CNN2: variants seen among roughly 807,000 people sequenced by gnomAD.
CNN2 encodes the protein calponin 2, also known as calponin-2.
A neutral mutation model predicts 31.0 loss-of-function variants in CNN2; 21 were observed. That is an observed-to-expected ratio of 0.68 (90% CI 0.48 to 0.98). CNN2 has a LOEUF of 0.98. CNN2 is among the 50% of genes least tolerant of loss of function. The probability of loss-of-function intolerance (pLI) is 0.00; values close to 1 mark genes in which losing one functional copy is unlikely to be tolerated. For synonymous variants in CNN2, 165 were observed against 179.6 expected (o/e 0.92, Z 0.65); for missense variants, 399 against 427.3 (o/e 0.93, Z 0.58).
In CNN2 at chr19:1,026,634, G is replaced by A. The variant is rs1017778273; in HGVS notation, c.-28G>A. ...GTCCCGTCCCGTCCCGTCCTGTGCG[G>A]CCCCGTCCCGCCGCCCGCCCGCCAG... On this transcript the variant is annotated 5_prime_UTR_variant, in exon 1 of 7. Coordinates refer to ENST00000263097, the MANE Select transcript of CNN2 (RefSeq NM_004368.4). 1.0e-4 allele frequency: 153 copies of A among 1,521,344 alleles called. No homozygotes were observed. The highest frequency in any genetic ancestry group is 5.3e-5 in the Non-Finnish European group (60 of 1,133,718). The allele number at this position is 1,521,344 out of a possible 1,614,324, so 94.2% of individuals were successfully genotyped here.
intron 4 of CNN2, among the ~76,000 whole-genome samples, chr19:1,033,287 G>T (rs890386237): frequency 1.3e-5 from 2 of 151,832 alleles, no homozygotes; most frequent in African/African-American, 2.4e-5. Context: ...GGAGGCCGAG[G>T]TTGGAGAATT....
In CNN2 at chr19:1,038,141, C is replaced by G. The variant is rs1021200309; in HGVS notation, c.*241C>G. ...AGGCCATATCCCAATACGTGTAGGGCGAGGGTCCCTGCTGGCACATTCAGG... is the reference window on the plus strand; with the variant it reads ...AGGCCATATCCCAATACGTGTAGGGGGAGGGTCCCTGCTGGCACATTCAGG... On this transcript the variant is annotated 3_prime_UTR_variant, in exon 7 of 7. Coordinates refer to ENST00000263097, the MANE Select transcript of CNN2 (RefSeq NM_004368.4). 4.5e-6 allele frequency: 2 copies of G among 446,598 alleles called. No individual in the cohort carries two copies. The highest frequency in any genetic ancestry group is 2.0e-5 in the African/African-American group (1 of 50,162). The allele number at this position is 446,598 out of a possible 1,614,324, so 27.7% of individuals were successfully genotyped here.
chr19:1,032,751 T>C, intron 4 of CNN2, 55 bp downstream of exon 4: 1 of 1,380,546 alleles, frequency 7.2e-7, no homozygotes, highest in Non-Finnish European at 1.0e-6. Flanking sequence ...GAGGTGGATG[T>C]AGCTGCTGCA....
intron 6 of CNN2, chr19:1,036,869 T>C (rs763016034): frequency 2.3e-6 from 1 of 425,938 alleles, no homozygotes; most frequent in Middle Eastern, 7.6e-4. Context: ...ATGTATTTAT[T>C]TTGAGATAGG....
intron 6 of CNN2, 131 bp downstream of exon 6, chr19:1,036,693 G>A (rs540807034): frequency 5.4e-5 from 60 of 1,102,454 alleles, no homozygotes; most frequent in Admixed American, 4.8e-4. Context: ...GACCACCTCC[G>A]GCTTCCCTCC....
At chr19:1,030,923 C>T (rs1216660417) in intron 1 of CNN2, 148 bp from the exon 2 acceptor site, 1 of 1,007,228 alleles carries the variant, frequency 9.9e-7, no homozygotes, top group African/African-American at 1.6e-5. Context: ...AAGGGAGCAT[C>T]TGCGTGGGTG....
At chr19:1,035,216 CCG>C (rs2039561753) in intron 4 of CNN2, among the ~76,000 whole-genome samples, 1 of 115,402 alleles carries the variant, frequency 8.7e-6, no homozygotes, top group African/African-American at 3.0e-5. Context: ...CTGGTGTAGA[CCG>C]GGAGCGTGGG....
intron 1 of CNN2, 56 bp downstream of exon 1, chr19:1,026,780 C>T (rs2039403168): frequency 6.6e-7 from 1 of 1,516,486 alleles, no homozygotes; most frequent in Non-Finnish European, 8.9e-7. Flanking sequence ...ACGCTCCGAC[C>T]GGTGCAGGAG....
chr19:1,028,473 G>C (rs1568416823), intron 1 of CNN2, among the ~76,000 whole-genome samples: 2 of 152,106 alleles, frequency 1.3e-5, no homozygotes. Flanking sequence ...CCGGCTGCTT[G>C]AAACAGCCAG....
chr19:1,033,034 C>T, intron 4 of CNN2: 2 of 267,796 alleles, frequency 7.5e-6, no homozygotes, highest in South Asian at 3.8e-5. Context: ...CCGCCTCGGC[C>T]TCCCCAAGTG....
At chr19:1,028,405 G>A (rs12973952) in intron 1 of CNN2, among the ~76,000 whole-genome samples, 1 of 145,896 alleles carries the variant, frequency 6.9e-6, no homozygotes, top group African/African-American at 2.5e-5. Context: ...GGTCACGGAA[G>A]GGTCGCCTCC....
At chr19:1,037,460 C>T in intron 6 of CNN2, 165 bp from the exon 7 acceptor site, 1 of 826,880 alleles carries the variant, frequency 1.2e-6, no homozygotes, top group Non-Finnish European at 1.9e-6. Flanking sequence ...TTGGGAGAGA[C>T]AGGGTTTCAC....
At chr19:1,030,852 G>C (rs1180822621) in intron 1 of CNN2, 3 of 498,858 alleles carry the variant, frequency 6.0e-6, no homozygotes, top group Admixed American at 3.5e-5. Flanking sequence ...TTGTCGGCCT[G>C]CTTGGAGGGC....
chr19:1,030,938 GA>G, intron 1 of CNN2, 132 bp from the exon 2 acceptor site: 1 of 1,152,274 alleles, frequency 8.7e-7, no homozygotes, highest in Non-Finnish European at 1.2e-6. Context: ...TGGGTGTGGT[GA>G]GGGGGGACCT....
chr19:1,031,984 C>A (rs549324974), intron 2 of CNN2, among the ~76,000 whole-genome samples: 4 of 151,686 alleles, frequency 2.6e-5, no homozygotes, highest in African/African-American at 9.7e-5. Context: ...AATCCCAGCA[C>A]TTTGGGAGGT....
intron 4 of CNN2, among the ~76,000 whole-genome samples, chr19:1,035,360 C>G (rs996183198): frequency 9.2e-5 from 14 of 152,164 alleles, no homozygotes; most frequent in African/African-American, 3.4e-4. Flanking sequence ...CTGGTTTTCT[C>G]CTGGGGTAAC....
intron 1 of CNN2, 123 bp from the exon 2 acceptor site, chr19:1,030,948 C>A: frequency 1.6e-6 from 2 of 1,265,684 alleles, no homozygotes; most frequent in Admixed American, 2.4e-5. Flanking sequence ...GAGGGGGGAC[C>A]TCCAGGCCGC....
chr19:1,032,364 T>G (rs774302421), intron 2 of CNN2, 28 bp from the exon 3 acceptor site: 4 of 1,612,624 alleles, frequency 2.5e-6, no homozygotes, highest in Non-Finnish European at 3.4e-6. Flanking sequence ...AGGTTTCTGT[T>G]TCCCCCGCCC....
chr19:1,036,759 G>A, intron 6 of CNN2, 197 bp downstream of exon 6: 1 of 680,976 alleles, frequency 1.5e-6, no homozygotes, highest in Admixed American at 2.3e-5. Context: ...CTGGCTGTGG[G>A]TCTCTAGGGA....
Sources: allele counts gnomAD v4.1 joint callset (sites outside exome capture counted in the v4.1 genomes callset), GRCh38; gene constraint gnomAD v4.1.1; transcripts MANE v1.5; gene names NCBI Gene and HGNC (gene_info 2026-07-23, HGNC 2026-07-21).